CIZ1: variants seen among roughly 807,000 people sequenced by gnomAD.
CIZ1 encodes cip1-interacting zinc finger protein.
Under a neutral mutation model 118.6 loss-of-function variants are expected in CIZ1, and 58 were observed. That is an observed-to-expected ratio of 0.49 (90% CI 0.40 to 0.61). The LOEUF (loss-of-function observed/expected upper bound fraction) is 0.61. CIZ1 is among the 20% of genes least tolerant of loss of function. The probability of loss-of-function intolerance (pLI) is 0.00; values close to 1 mark genes in which losing one functional copy is unlikely to be tolerated. For synonymous variants in CIZ1, 448 were observed against 443.4 expected, an observed-to-expected ratio of 1.01 and a Z score of -0.13; for missense variants, 921 against 1,115.9, an observed-to-expected ratio of 0.83 and a Z score of 2.49.
At chr9:128,176,276 C>A in intron 11 of CIZ1, 75 bp downstream of exon 11, 1 of 1,567,416 alleles carries the variant, frequency 6.4e-7, no homozygotes. Context: ...GTAAACCCTG[C>A]AGATGGTAGA....
Position 128,185,780 on chromosome 9 carries a change from C to T in CIZ1, c.359-4G>A. The T allele has an allele frequency of 6.2e-7, 1 of 1,609,254 alleles. No individual in the cohort carries two copies. The highest frequency in any genetic ancestry group is 8.5e-7 in the Non-Finnish European group (1 of 1,176,264). On this transcript the variant is annotated splice_polypyrimidine_tract_variant and splice_region_variant and intron_variant, in intron 4 of 16. Coordinates refer to ENST00000372938, the MANE Select transcript of CIZ1 (RefSeq NM_001131016.2). ...ATGCCATAGCCTCGGAGGTTACCTGCAGGCAAGAAGACAGGAGAAGAGGGG... is the reference window on the plus strand; with the variant it reads ...ATGCCATAGCCTCGGAGGTTACCTGTAGGCAAGAAGACAGGAGAAGAGGGG...
chr9:128,192,161 T>G (rs1385328053), upstream of CIZ1, among the ~76,000 whole-genome samples: 2 of 152,128 alleles, frequency 1.3e-5, no homozygotes, highest in East Asian at 3.9e-4. Context: ...AGGCCGAGGC[T>G]GGAGGATCAA....
At chr9:128,188,386 T>G (rs563639233) in intron 3 of CIZ1, among the ~76,000 whole-genome samples, 15 of 152,308 alleles carry the variant, frequency 9.8e-5, no homozygotes, top group African/African-American at 3.4e-4. Context: ...ACTGGTGGTT[T>G]TCTTCAGGTG....
intron 11 of CIZ1, among the ~76,000 whole-genome samples, chr9:128,172,632 C>T (rs1164734774): frequency 6.6e-6 from 1 of 152,136 alleles, no homozygotes; most frequent in African/African-American, 2.4e-5. Flanking sequence ...GGGAGGGCTG[C>T]TTAGAGACAG....
intron 14 of CIZ1, among the ~76,000 whole-genome samples, chr9:128,168,510 C>T (rs763221709): frequency 7.0e-6 from 1 of 143,466 alleles, no homozygotes; most frequent in East Asian, 2.0e-4. Flanking sequence ...AGCGAGACTC[C>T]GTCTTGAAAA....
At chr9:128,200,824 G>A (rs935304137) in intron 1 of CIZ1, among the ~76,000 whole-genome samples, 3 of 128,430 alleles carry the variant, frequency 2.3e-5, no homozygotes, top group African/African-American at 8.9e-5. Flanking sequence ...GAGACAGAGC[G>A]AGACTACGTC....
In CIZ1 at chr9:128,191,390, C is replaced by T. The variant is rs1035958641; in HGVS notation, c.-6+42G>A. 2.4e-4 allele frequency: 188 copies of T among 787,452 alleles called. No individual in the cohort carries two copies. The highest frequency in any genetic ancestry group is 2.9e-4 in the Non-Finnish European group (185 of 646,810). 48.8% of individuals were successfully genotyped at this position (787,452 alleles called of 1,614,324 possible). ...GCCTCCTCCGCAGACACAGCCAGCT[C>T]GCAGGCGGAGCCCCACGACCCAGCC... On this transcript the variant is annotated intron_variant, in intron 1 of 16. Transcript: ENST00000372938. This position sits in a 1 kb window ranked among gnomAD's most constrained non-coding sequence, Gnocchi z 5.5.
chr9:128,166,335 C>A lies in CIZ1; in HGVS notation c.2559G>T (p.Arg853=). The A allele has an allele frequency of 1.3e-6, 2 of 1,565,974 alleles. No homozygotes were observed. The highest frequency in any genetic ancestry group is 2.4e-5 in the East Asian group (1 of 42,398). The change falls in exon 17 of 17, where the codon CGG becomes CGT. Residue 853 remains arginine (R), a synonymous_variant. Coordinates refer to ENST00000372938, the MANE Select transcript of CIZ1 (RefSeq NM_001131016.2). The surrounding 1 kb of genome is among the most constrained non-coding windows in gnomAD (Gnocchi z 4.4). ...PVSRRCAINA[R]NALTALFTSS... Reference sequence around the variant, plus strand: ...AGGTGAACAGGGCTGTCAAAGCGTTCCGGGCGTTGATTGCGCACCGGCGGC... The same window carrying A: ...AGGTGAACAGGGCTGTCAAAGCGTTACGGGCGTTGATTGCGCACCGGCGGC...
chr9:128,185,763 G>T lies in CIZ1; in HGVS notation c.372C>A (p.Gly124=), dbSNP rs1199165725. The T allele has an allele frequency of 6.2e-7, 1 of 1,613,348 alleles. No homozygotes were observed. Residue 124 remains glycine, a synonymous_variant, in exon 5 of 17, where the codon GGC becomes GGA. Transcript: ENST00000372938. ...CGAGGCCTGGGGATGCCATGCCATA[G>T]CCTCGGAGGTTACCTGCAGGCAAGA... The part of the protein sequence containing the change: ...MPTATLGNLR[G]YGMASPGLAA...
intron 5 of CIZ1, among the ~76,000 whole-genome samples, chr9:128,181,752 G>A (rs1831651087): frequency 7.1e-6 from 1 of 141,794 alleles, no homozygotes; most frequent in Non-Finnish European, 1.5e-5. Context: ...CTACTTAGCA[G>A]ACCAGGAAAG....
At chr9:128,168,061 T>C (rs1829656920) in intron 14 of CIZ1, among the ~76,000 whole-genome samples, 1 of 152,182 alleles carries the variant, frequency 6.6e-6, no homozygotes, top group African/African-American at 2.4e-5. Flanking sequence ...ATACCCCACT[T>C]TGGCTGCCAG....
chr9:128,166,721 T>C lies in CIZ1; in HGVS notation c.2487+38A>G, dbSNP rs759610453. On this transcript the variant is annotated intron_variant, in intron 16 of 16. Transcript: ENST00000372938. The surrounding 1 kb of genome is among the most constrained non-coding windows in gnomAD (Gnocchi z 4.4). ...AATCAGCTTGGATTAAGACTAAGTC[T>C]GTGGCCAGGGGAGGACAGGGCAGGA... 6.2e-7 allele frequency: 1 copy of C among 1,613,936 alleles called. No individual in the cohort carries two copies. Among genetic ancestry groups the C allele is most frequent in the Non-Finnish European group, 8.5e-7 (1 of 1,179,902 alleles).
upstream of CIZ1, among the ~76,000 whole-genome samples, chr9:128,194,975 G>A (rs140192871): frequency 1.3e-3 from 190 of 151,890 alleles, no homozygotes; most frequent in African/African-American, 4.4e-3. Context: ...ATGCCACCAC[G>A]CCCAGCAAAT....
rs16930301 is a variant in CIZ1, at chr9:128,177,270, G to A, written c.1818+296C>T. 2.8e-3 allele frequency among the ~76,000 whole-genome samples: 431 copies of A among 152,210 alleles called. 2 individuals are homozygous for A. Among genetic ancestry groups the A allele is most frequent in the African/African-American group, 9.9e-3 (410 of 41,528 alleles). ...CAAGGTCTCCCAGCTACTCAGAGCCGATATGAACCAGGTCTGACTGACTCT... is the reference window on the plus strand; with the variant it reads ...CAAGGTCTCCCAGCTACTCAGAGCCAATATGAACCAGGTCTGACTGACTCT... On this transcript the variant is annotated intron_variant, in intron 10 of 16. Coordinates refer to ENST00000372938, the MANE Select transcript of CIZ1 (RefSeq NM_001131016.2).
intron 6 of CIZ1, 87 bp from the exon 7 acceptor site, chr9:128,180,610 T>C: frequency 7.2e-7 from 1 of 1,385,322 alleles, no homozygotes; most frequent in Non-Finnish European, 1.0e-6. Context: ...GCTCCCCGCC[T>C]TCCCACCAAG....
intron 11 of CIZ1, among the ~76,000 whole-genome samples, chr9:128,171,656 G>C (rs894473484): frequency 5.3e-5 from 8 of 152,052 alleles, no homozygotes; most frequent in Non-Finnish European, 1.0e-4. Flanking sequence ...AGAATTGCTT[G>C]AACCCAGGAG....
At chr9:128,199,341 T>C (rs1328450213) in intron 1 of CIZ1, among the ~76,000 whole-genome samples, 1 of 151,530 alleles carries the variant, frequency 6.6e-6, no homozygotes, top group Non-Finnish European at 1.5e-5. Flanking sequence ...GCACTCCAGC[T>C]TGGAGCTGGA....
At chr9:128,187,996 C>A in intron 3 of CIZ1, 62 bp from the exon 4 acceptor site, 2 of 382,310 alleles carry the variant, frequency 5.2e-6, no homozygotes, top group Non-Finnish European at 1.0e-5. Flanking sequence ...CCCCCTGACT[C>A]AGTGAGAAAA....
At chr9:128,193,847 G>T (rs1378154807), upstream of CIZ1, among the ~76,000 whole-genome samples, 1 of 152,220 alleles carries the variant, frequency 6.6e-6, no homozygotes, top group Non-Finnish European at 1.5e-5. Context: ...CTGGGGGAGA[G>T]GCCTCTTAGC....
Sources: gnomAD v4.1 joint callset for allele counts (sites outside exome capture counted in the v4.1 genomes callset) on GRCh38, gnomAD v4.1.1 for gene constraint, Gnocchi (gnomAD v3.1) non-coding constraint, MANE v1.5 for transcripts, NCBI Gene and HGNC (gene_info 2026-07-23, HGNC 2026-07-21) for gene names.